The following LHFPL3 variants were observed in gnomAD, a reference collection of about 807,000 sequenced individuals.
The protein encoded by LHFPL3 is LHFPL tetraspan subfamily member 3.
Under a neutral mutation model 19.3 loss-of-function variants are expected in LHFPL3, and 5 were observed. The ratio of observed to expected loss-of-function variants is 0.26; its 90% CI spans 0.14 to 0.54. The LOEUF (loss-of-function observed/expected upper bound fraction) is 0.54, where lower values mean the gene tolerates loss of function less well. Ranked by LOEUF, LHFPL3 falls within the 20% of genes least tolerant of loss-of-function variation. LHFPL3 has a pLI of 0.94. For synonymous variants in LHFPL3, 133 were observed against 126.2 expected, an observed-to-expected ratio of 1.05 and a Z score of -0.36; for missense variants, 249 against 307.4, an observed-to-expected ratio of 0.81 and a Z score of 1.42.
chr7:104,591,509 TG>T (rs1471680782), intron 1 of LHFPL3, among the ~76,000 whole-genome samples: 2 of 152,240 alleles, frequency 1.3e-5, no homozygotes, highest in Non-Finnish European at 2.9e-5. Context: ...GGCTTCCCTT[TG>T]TGGGTAACCC....
intron 1 of LHFPL3, among the ~76,000 whole-genome samples, chr7:104,342,972 T>C (rs936323449): frequency 3.3e-5 from 5 of 151,404 alleles, no homozygotes; most frequent in African/African-American, 9.7e-5. Flanking sequence ...TGTTCCCTTC[T>C]TTTGCATATT....
chr7:104,900,721 T>C (rs557736964), intron 2 of LHFPL3, among the ~76,000 whole-genome samples: 87 of 152,312 alleles, frequency 5.7e-4, no homozygotes, highest in Non-Finnish European at 8.2e-4. Context: ...CCAAGTAGCA[T>C]TTAGATAGCC....
At chr7:104,487,471 C>T (rs1793259534) in intron 1 of LHFPL3, among the ~76,000 whole-genome samples, 1 of 152,142 alleles carries the variant, frequency 6.6e-6, no homozygotes, top group South Asian at 2.1e-4. Context: ...TCACACACAC[C>T]CCACACTCAC....
Position 104,624,318 on chromosome 7 carries a change from G to C in LHFPL3, c.446-112357G>C, listed in dbSNP as rs573981637. 4.6e-5 allele frequency among the ~76,000 whole-genome samples: 7 copies of C among 152,302 alleles called. No homozygotes were observed. In the South Asian group the frequency reaches 1.2e-3, roughly 27 times the overall value. ...AAGTAGTCAATATTGAGAATCAGAG[G>C]CTTCCTCTAATTCATTCCTGTGCTT... is the stretch of plus-strand genomic sequence containing the variant. On this transcript the variant is annotated intron_variant, in intron 1 of 2. Coordinates refer to ENST00000424859, the MANE Select transcript of LHFPL3 (RefSeq NM_199000.3).
rs561345152 is a variant in LHFPL3, at chr7:104,588,526, A to G, written c.446-148149A>G. 2.0e-5 allele frequency among the ~76,000 whole-genome samples: 3 copies of G among 152,134 alleles called. No homozygotes were observed. In the East Asian group the frequency reaches 5.8e-4, roughly 30 times the overall value. On this transcript the variant is annotated intron_variant, in intron 1 of 2. Coordinates refer to ENST00000424859, the MANE Select transcript of LHFPL3 (RefSeq NM_199000.3). ...GCTGTTTTGGTTACTGTAGCCTTGT[A>G]GTGTAGTTTGAAGTCAGGTAGCATG...
chr7:104,587,417 G>A (rs905384324), intron 1 of LHFPL3, among the ~76,000 whole-genome samples: 1 of 152,174 alleles, frequency 6.6e-6, no homozygotes, highest in African/African-American at 2.4e-5. Context: ...ATGGTTTCCA[G>A]CTTCATCCAT....
chr7:104,336,133 A>G (rs1789806797), intron 1 of LHFPL3, among the ~76,000 whole-genome samples: 1 of 152,180 alleles, frequency 6.6e-6, no homozygotes, highest in African/African-American at 2.4e-5. Context: ...CCTTATCATA[A>G]TGAGTCAACT....
chr7:104,522,011 A>T (rs1255864637), intron 1 of LHFPL3, among the ~76,000 whole-genome samples: 1 of 152,034 alleles, frequency 6.6e-6, no homozygotes, highest in African/African-American at 2.4e-5. Context: ...TGGAAATACC[A>T]TTTGACCCAG....
chr7:104,522,744 T>C (rs1257975409), intron 1 of LHFPL3, among the ~76,000 whole-genome samples: 1 of 152,152 alleles, frequency 6.6e-6, no homozygotes, highest in African/African-American at 2.4e-5. Flanking sequence ...AGGATTTTAT[T>C]TGAAGCTAAG....
intron 2 of LHFPL3, among the ~76,000 whole-genome samples, chr7:104,817,954 G>A (rs757723963): frequency 3.9e-5 from 6 of 152,158 alleles, no homozygotes; most frequent in Non-Finnish European, 7.3e-5. Flanking sequence ...CATTTCCAAT[G>A]TAGTTGCACT....
intron 2 of LHFPL3, among the ~76,000 whole-genome samples, chr7:104,783,762 C>A (rs1789858286): frequency 6.6e-6 from 1 of 152,298 alleles, no homozygotes; most frequent in East Asian, 1.9e-4. Flanking sequence ...AGCTCATCAT[C>A]TTCCCATTTC....
At chr7:104,474,333 A>C (rs1307535800) in intron 1 of LHFPL3, among the ~76,000 whole-genome samples, 1 of 152,158 alleles carries the variant, frequency 6.6e-6, no homozygotes, top group African/African-American at 2.4e-5. Flanking sequence ...GTATTATGAA[A>C]GGACACTGTG....
intron 1 of LHFPL3, among the ~76,000 whole-genome samples, chr7:104,433,939 A>T (rs1792049682): frequency 6.6e-6 from 1 of 152,244 alleles, no homozygotes; most frequent in Non-Finnish European, 1.5e-5. Flanking sequence ...ATAAAAATAC[A>T]TGCATATACT....
chr7:104,757,555 C>T (rs1794308371), intron 2 of LHFPL3: 1 of 152,074 alleles, frequency 6.6e-6, no homozygotes, highest in Admixed American at 6.6e-5. Context: ...TGAACAGACA[C>T]TTCTCAAAAG....
At chr7:104,778,929 G>C (rs898787940) in intron 2 of LHFPL3, among the ~76,000 whole-genome samples, 2 of 152,318 alleles carry the variant, frequency 1.3e-5, no homozygotes, top group East Asian at 3.9e-4. Context: ...ATAATGCCTG[G>C]CTAAATAAAT....
At chr7:104,897,067 CAG>C (rs887825922) in intron 2 of LHFPL3, among the ~76,000 whole-genome samples, 2 of 150,074 alleles carry the variant, frequency 1.3e-5, no homozygotes, top group African/African-American at 4.9e-5. Context: ...GCCCAGGTGA[CAG>C]AGTGAGACTC....
intron 1 of LHFPL3, among the ~76,000 whole-genome samples, chr7:104,643,250 A>C (rs771103896): frequency 5.9e-5 from 9 of 152,168 alleles, no homozygotes; most frequent in Non-Finnish European, 1.2e-4. Flanking sequence ...TTCCTGCAGG[A>C]AATAAAAAAG....
chr7:104,723,407 T>C (rs1247127810), intron 1 of LHFPL3, among the ~76,000 whole-genome samples: 1 of 152,178 alleles, frequency 6.6e-6, no homozygotes, highest in Non-Finnish European at 1.5e-5. Context: ...TTGTGAGCTC[T>C]CGTTTCTCTT....
Position 104,760,404 on chromosome 7 carries a change from A to G in LHFPL3, c.682+23493A>G, listed in dbSNP as rs139738297. Among the ~76,000 whole-genome samples the G allele has an allele frequency of 5.3e-4, 80 of 152,334 alleles. 1 individual carries two copies. In the East Asian group the frequency reaches 0.013, roughly 25 times the overall value. On this transcript the variant is annotated intron_variant, in intron 2 of 2. Coordinates refer to ENST00000424859, the MANE Select transcript of LHFPL3 (RefSeq NM_199000.3). ...TCTTAATTAATTATTAAACATAAGTATAGCATTTTATTGTAATAGGGAAGC... is the reference window on the plus strand; with the variant it reads ...TCTTAATTAATTATTAAACATAAGTGTAGCATTTTATTGTAATAGGGAAGC...
Sources: gnomAD v4.1 joint callset for allele counts (sites outside exome capture counted in the v4.1 genomes callset) on GRCh38, gnomAD v4.1.1 for gene constraint, MANE v1.5 for transcripts, NCBI Gene and HGNC (gene_info 2026-07-23, HGNC 2026-07-21) for gene names.